The following SLC2A13 variants were observed in gnomAD, a reference collection of about 807,000 sequenced individuals.
SLC2A13 encodes the protein proton myo-inositol cotransporter.
Under a neutral mutation model 64.4 loss-of-function variants are expected in SLC2A13, and 32 were observed. That is an observed-to-expected ratio of 0.50 (90% CI 0.37 to 0.67). The LOEUF (loss-of-function observed/expected upper bound fraction) is 0.67. Ranked by LOEUF, SLC2A13 falls within the 30% of genes least tolerant of loss-of-function variation. The pLI, the probability that SLC2A13 is intolerant of heterozygous loss-of-function variation, is 0.00. For synonymous variants in SLC2A13, 338 were observed against 327.1 expected (o/e 1.03, Z -0.36); for missense variants, 743 against 829.2 (o/e 0.90, Z 1.28).
intron 3 of SLC2A13, among the ~76,000 whole-genome samples, chr12:39,985,224 T>C (rs747449281): frequency 3.3e-5 from 5 of 152,118 alleles, no homozygotes; most frequent in Non-Finnish European, 7.4e-5. Flanking sequence ...AGTGCTCTGT[T>C]TTCTACTCCT....
intron 3 of SLC2A13, among the ~76,000 whole-genome samples, chr12:40,022,206 G>A (rs778604657): frequency 2.2e-4 from 33 of 152,162 alleles, no homozygotes; most frequent in Non-Finnish European, 3.7e-4. Context: ...CAAACTCTTT[G>A]TCAAAGGCAA....
chr12:39,883,857 G>GAAAACAGC (rs1184509194), intron 4 of SLC2A13, among the ~76,000 whole-genome samples: 12 of 152,260 alleles, frequency 7.9e-5, no homozygotes, highest in Admixed American at 2.6e-4. Flanking sequence ...AGGATGAAGT[G>GAAAACAGC]AAAACAGCAA....
At chr12:40,002,624 A>T in intron 3 of SLC2A13, among the ~76,000 whole-genome samples, 1 of 152,214 alleles carries the variant, frequency 6.6e-6, no homozygotes, top group Admixed American at 6.5e-5. Flanking sequence ...ACTACTCAGC[A>T]CATGTCATGA....
At chr12:40,008,655 C>A (rs988943054) in intron 3 of SLC2A13, among the ~76,000 whole-genome samples, 3 of 151,726 alleles carry the variant, frequency 2.0e-5, no homozygotes, top group African/African-American at 7.3e-5. Context: ...TTAAACTAAT[C>A]CTTCATATTG....
chr12:39,784,123 C>G (rs140036008), intron 7 of SLC2A13, among the ~76,000 whole-genome samples: 216 of 152,236 alleles, frequency 1.4e-3, no homozygotes, highest in African/African-American at 4.9e-3. Flanking sequence ...TAGGAAGAAT[C>G]AATATCGTGA....
chr12:39,915,219 T>A (rs922851258), intron 4 of SLC2A13, among the ~76,000 whole-genome samples: 2 of 151,964 alleles, frequency 1.3e-5, no homozygotes, highest in Non-Finnish European at 2.9e-5. Flanking sequence ...AAAATAAGCA[T>A]TTAGAAGAAG....
intron 7 of SLC2A13, among the ~76,000 whole-genome samples, chr12:39,773,419 A>G (rs80330685): frequency 6.6e-6 from 1 of 152,164 alleles, no homozygotes; most frequent in African/African-American, 2.4e-5. Flanking sequence ...CTTTAGTAAT[A>G]ACATGTAGAA....
At chr12:40,087,419 A>C (rs773967677) in intron 1 of SLC2A13, among the ~76,000 whole-genome samples, 15 of 152,162 alleles carry the variant, frequency 9.9e-5, no homozygotes, top group Non-Finnish European at 4.4e-5. Context: ...TTAGAAGTAA[A>C]TATCAAAACG....
chr12:40,102,607 T>A (rs17458487), intron 1 of SLC2A13, among the ~76,000 whole-genome samples: 1 of 152,158 alleles, frequency 6.6e-6, no homozygotes, highest in Non-Finnish European at 1.5e-5. Flanking sequence ...CTGAAAAAGG[T>A]ATCAAAAGCC....
intron 7 of SLC2A13, among the ~76,000 whole-genome samples, chr12:39,793,451 T>G (rs1215597961): frequency 6.6e-6 from 1 of 152,134 alleles, no homozygotes; most frequent in Non-Finnish European, 1.5e-5. Context: ...CAATATAAGC[T>G]CACTCTAAAA....
At chr12:39,896,530 A>C (rs1944909598) in intron 4 of SLC2A13, among the ~76,000 whole-genome samples, 1 of 141,294 alleles carries the variant, frequency 7.1e-6, no homozygotes, top group Non-Finnish European at 1.5e-5. Context: ...ACATGTATAC[A>C]TGTATGTATG....
rs1195141860 is a variant in SLC2A13, at chr12:39,838,326, C to T, written c.1320-8098G>A. Among the ~76,000 whole-genome samples the T allele has an allele frequency of 4.0e-5, 5 of 123,706 alleles. No individual in the cohort carries two copies. In the East Asian group the frequency reaches 1.2e-3, roughly 29 times the overall value. The allele number at this position is 123,706 out of a possible 152,430, so 81.2% of individuals were successfully genotyped here. ...TGGACACAGGAAGGGGAATATCACACTCTGGGGACTGTGGTGGGGTGGGGG... is the reference window on the plus strand; with the variant it reads ...TGGACACAGGAAGGGGAATATCACATTCTGGGGACTGTGGTGGGGTGGGGG... On this transcript the variant is annotated intron_variant, in intron 6 of 9. Transcript: ENST00000280871.
chr12:39,843,643 T>C (rs1040931530), intron 6 of SLC2A13, among the ~76,000 whole-genome samples: 5 of 152,050 alleles, frequency 3.3e-5, no homozygotes, highest in Non-Finnish European at 7.4e-5. Context: ...AAAGCATTTA[T>C]TGCTAGTGCT....
intron 2 of SLC2A13, among the ~76,000 whole-genome samples, chr12:40,043,451 G>A (rs1447651705): frequency 6.6e-6 from 1 of 151,888 alleles, no homozygotes; most frequent in Non-Finnish European, 1.5e-5. Flanking sequence ...CCAACATGGT[G>A]AAACCTCATC....
chr12:39,830,220 T>C lies in SLC2A13; in HGVS notation c.1328A>G (p.Asn443Ser). The change falls in exon 7 of 10, where the codon AAT (asparagine) becomes AGT (serine). Residue 443 changes from asparagine to serine, a missense_variant. Physicochemically the swap from Asn to Ser is conservative, Grantham distance 46 (BLOSUM62 1). This residue lies in a region of SLC2A13 where 295 missense variants were observed against 381.7 expected (regional missense o/e 0.77). Transcript: ENST00000280871. ...NATCTRYSYC[N>S]ECMLDPDCGF... The stretch of plus-strand genomic sequence containing the variant: ...GCAGTCTGGATCCAACATACATTCA[T>C]TACAGTAACTGAAAAATGAAAAGAG... The C allele has an allele frequency of 3.7e-6, 6 of 1,612,324 alleles. No homozygotes were observed. The highest frequency in any genetic ancestry group is 5.1e-6 in the Non-Finnish European group (6 of 1,178,956).
intron 3 of SLC2A13, among the ~76,000 whole-genome samples, chr12:40,015,914 T>C (rs760324903): frequency 1.3e-5 from 2 of 152,190 alleles, no homozygotes; most frequent in Non-Finnish European, 2.9e-5. Context: ...CATTAAAAGA[T>C]ATAATAATAC....
At chr12:39,947,597 T>C (rs1331456843) in intron 4 of SLC2A13, among the ~76,000 whole-genome samples, 3 of 152,070 alleles carry the variant, frequency 2.0e-5, no homozygotes, top group Middle Eastern at 3.2e-3. Context: ...ATTTCTTAGA[T>C]TGAACATGGA....
intron 3 of SLC2A13, among the ~76,000 whole-genome samples, chr12:39,978,834 G>A (rs936641176): frequency 1.5e-4 from 23 of 151,860 alleles, no homozygotes; most frequent in Non-Finnish European, 2.5e-4. Flanking sequence ...GCTCAAGGAG[G>A]CCTGCCTGCC....
chr12:40,003,519 A>G (rs1329255380), intron 3 of SLC2A13, among the ~76,000 whole-genome samples: 2 of 152,148 alleles, frequency 1.3e-5, no homozygotes, highest in Non-Finnish European at 2.9e-5. Flanking sequence ...AGCCTTGGAT[A>G]TGCTATATCG....
Sources: allele counts gnomAD v4.1 joint callset (sites outside exome capture counted in the v4.1 genomes callset), GRCh38; gene constraint gnomAD v4.1.1; regional missense constraint gnomAD v4.1.1; transcripts MANE v1.5; gene names NCBI Gene and HGNC (gene_info 2026-07-23, HGNC 2026-07-21).